RGS5: variants seen among roughly 807,000 people sequenced by gnomAD.
RGS5 encodes regulator of G protein signaling 5, also known as regulator of G-protein signalling 5.
Under a neutral mutation model 18.9 loss-of-function variants are expected in RGS5, and 20 were observed. That is an observed-to-expected ratio of 1.06 (90% CI 0.74 to 1.54). The LOEUF (loss-of-function observed/expected upper bound fraction) is 1.54, where lower values mean the gene tolerates loss of function less well. Among genes scored for constraint, RGS5 ranks in the 40% most tolerant of loss-of-function variants. The probability of loss-of-function intolerance (pLI) is 0.00; values close to 1 mark genes in which losing one functional copy is unlikely to be tolerated. For synonymous variants in RGS5, 57 were observed against 76.2 expected, an observed-to-expected ratio of 0.75 and a Z score of 1.31; for missense variants, 201 against 211.8, an observed-to-expected ratio of 0.95 and a Z score of 0.32.
rs1657119320 is a variant in RGS5 at position 163,146,197 on chromosome 1, G to C, written c.*1145C>G. The C allele has an allele frequency of 1.3e-5, 2 of 151,728 alleles. No individual in the cohort carries two copies. The highest frequency in any genetic ancestry group is 4.8e-5 in the African/African-American group (2 of 41,314). 9.4% of individuals were successfully genotyped at this position (151,728 alleles called of 1,614,324 possible). The stretch of plus-strand genomic sequence containing the variant: ...ACTGTAAGTAAAATTTGCTAATGCA[G>C]GAAGCGAAATAGTGAAGGAATACTG... On this transcript the variant is annotated 3_prime_UTR_variant, in exon 5 of 5. Transcript: ENST00000313961.
At chr1:163,293,327 A>G (rs1343115838) in intron 2 of RGS5, among the ~76,000 whole-genome samples, 1 of 152,202 alleles carries the variant, frequency 6.6e-6, no homozygotes, top group African/African-American at 2.4e-5. Context: ...GAAACTTACA[A>G]TCATTCCAGA....
Position 163,144,976 on chromosome 1 carries a change from T to C in RGS5, c.*2366A>G, listed in dbSNP as rs190728426. ...AAATGTAAGATTATATAGATGTAGA[T>C]ATAGATAGATAGATATATGTAGATA... On this transcript the variant is annotated 3_prime_UTR_variant, in exon 5 of 5. Transcript: ENST00000313961. 2.0e-5 allele frequency: 3 copies of C among 152,298 alleles called. No individual in the cohort carries two copies. Among genetic ancestry groups the C allele is most frequent in the Admixed American group, 1.3e-4 (2 of 15,274 alleles). 9.4% of individuals were successfully genotyped at this position (152,298 alleles called of 1,614,324 possible). A position where few individuals can be genotyped will look rare whatever the true frequency, so the allele number is the denominator to read the frequency against.
chr1:163,185,340 T>C (rs971690155), intron 1 of RGS5, among the ~76,000 whole-genome samples: 11 of 152,136 alleles, frequency 7.2e-5, no homozygotes, highest in African/African-American at 2.7e-4. Context: ...CTAACAACTA[T>C]AAAATTGTCC....
intron 1 of RGS5, among the ~76,000 whole-genome samples, chr1:163,320,828 C>T (rs953329654): frequency 6.6e-6 from 1 of 152,128 alleles, no homozygotes; most frequent in Non-Finnish European, 1.5e-5. Context: ...AGGTTTAGTT[C>T]TTCAGGACAG....
intron 2 of RGS5, among the ~76,000 whole-genome samples, chr1:163,288,619 C>T (rs755458878): frequency 2.0e-5 from 3 of 152,118 alleles, no homozygotes; most frequent in Non-Finnish European, 4.4e-5. Flanking sequence ...GTATGTTTTA[C>T]AGGCTTTTAG....
chr1:163,234,339 A>G (rs75902891), intron 2 of RGS5, among the ~76,000 whole-genome samples: 13,497 of 152,198 alleles, frequency 0.089, 659 homozygotes, highest in Middle Eastern at 0.13. Context: ...ACAACTGTGC[A>G]TTCTTATAAT....
chr1:163,292,816 T>G (rs1039131429), intron 2 of RGS5, among the ~76,000 whole-genome samples: 3 of 152,182 alleles, frequency 2.0e-5, no homozygotes, highest in African/African-American at 7.2e-5. Flanking sequence ...ATGTATGTCT[T>G]CTTTTGAGAT....
chr1:163,163,116 C>T (rs971750926), intron 2 of RGS5, among the ~76,000 whole-genome samples: 2 of 151,774 alleles, frequency 1.3e-5, no homozygotes, highest in Non-Finnish European at 2.9e-5. Context: ...TTTCATTTTG[C>T]TGTCCCAGGC....
rs1049783351 is a variant in RGS5 at position 163,270,413 on chromosome 1, G to C, written c.-281+35820C>G. On this transcript the variant is annotated intron_variant, in intron 2 of 5. Transcript: ENST00000618415. ...TGCACATCTATAATCCCAGTTACTT[G>C]GGAGGCTGAGGTGGGAGTATTGCTT... Among the ~76,000 whole-genome samples the C allele has an allele frequency of 2.7e-4, 41 of 150,368 alleles. 1 individual carries two copies. Among genetic ancestry groups the C allele is most frequent in the Non-Finnish European group, 2.9e-5 (2 of 67,834 alleles).
At chr1:163,235,331 C>A (rs1647594847) in intron 2 of RGS5, among the ~76,000 whole-genome samples, 1 of 152,206 alleles carries the variant, frequency 6.6e-6, no homozygotes, top group Non-Finnish European at 1.5e-5. Flanking sequence ...ATGACATCAT[C>A]TCCTCCAATA....
intron 2 of RGS5, among the ~76,000 whole-genome samples, chr1:163,305,782 T>C (rs968625496): frequency 3.3e-5 from 5 of 152,156 alleles, no homozygotes; most frequent in African/African-American, 1.2e-4. Flanking sequence ...CTATCTACTA[T>C]GATTCTCTTG....
intron 3 of RGS5, among the ~76,000 whole-genome samples, chr1:163,158,454 A>AT (rs2102389588): frequency 6.6e-6 from 1 of 152,228 alleles, no homozygotes; most frequent in Non-Finnish European, 1.5e-5. Flanking sequence ...CTTCTTTTCT[A>AT]TTTTCCCTAA....
At chr1:163,293,929 C>T (rs1649357003) in intron 2 of RGS5, among the ~76,000 whole-genome samples, 1 of 152,212 alleles carries the variant, frequency 6.6e-6, no homozygotes, top group African/African-American at 2.4e-5. Context: ...CCTTTGGCTC[C>T]ATGTCTCACA....
chr1:163,208,805 C>G (rs187446760), intron 1 of RGS5, among the ~76,000 whole-genome samples: 1 of 152,172 alleles, frequency 6.6e-6, no homozygotes, highest in Non-Finnish European at 1.5e-5. Flanking sequence ...AGTAACACAG[C>G]AACTACCTTT....
intron 1 of RGS5, among the ~76,000 whole-genome samples, chr1:163,216,867 G>A (rs755715074): frequency 1.3e-5 from 2 of 152,102 alleles, no homozygotes; most frequent in Non-Finnish European, 2.9e-5. Flanking sequence ...GATTCACAGC[G>A]ACCTCGCCAA....
upstream of RGS5, among the ~76,000 whole-genome samples, chr1:163,219,873 G>T (rs1466382459): frequency 6.6e-6 from 1 of 152,026 alleles, no homozygotes; most frequent in South Asian, 2.1e-4. Context: ...CATGAATACT[G>T]CTTCTATGAA....
intron 2 of RGS5, among the ~76,000 whole-genome samples, chr1:163,289,414 C>A (rs979339121): frequency 2.0e-5 from 3 of 151,996 alleles, no homozygotes; most frequent in African/African-American, 7.2e-5. Context: ...TAATACCATA[C>A]TAAGTTTTCA....
chr1:163,185,425 T>C (rs756983123), intron 1 of RGS5, among the ~76,000 whole-genome samples: 5 of 152,186 alleles, frequency 3.3e-5, no homozygotes, highest in Non-Finnish European at 7.3e-5. Context: ...GAAGAATGAA[T>C]TCATCATCTG....
intron 1 of RGS5, among the ~76,000 whole-genome samples, chr1:163,314,047 T>C (rs973141499): frequency 2.6e-5 from 4 of 151,622 alleles, no homozygotes; most frequent in Non-Finnish European, 5.9e-5. Context: ...ATAAATGGAA[T>C]AGGAAGAGAA....
Sources: gnomAD v4.1 joint callset for allele counts (sites outside exome capture counted in the v4.1 genomes callset) on GRCh38, gnomAD v4.1.1 for gene constraint, MANE v1.5 for transcripts, NCBI Gene and HGNC (gene_info 2026-07-23, HGNC 2026-07-21) for gene names.